The following NIPAL3 variants were observed in gnomAD, a reference collection of about 807,000 sequenced individuals.
NIPAL3 encodes the protein NIPA-like protein 3.
NIPAL3 carries 41 observed loss-of-function variants against 47.2 expected under a neutral mutation model. The observed-to-expected ratio is 0.87, with a 90% confidence interval of 0.68 to 1.13. The LOEUF (loss-of-function observed/expected upper bound fraction) is 1.13. Among genes scored for constraint, NIPAL3 ranks in the 50% most tolerant of loss-of-function variants. The probability of loss-of-function intolerance (pLI) is 0.00; values close to 1 mark genes in which losing one functional copy is unlikely to be tolerated. For synonymous variants in NIPAL3, 194 were observed against 209.6 expected, an observed-to-expected ratio of 0.93 and a Z score of 0.64; for missense variants, 449 against 530.1, an observed-to-expected ratio of 0.85 and a Z score of 1.50.
At chr1:24,445,091 C>T (rs1021583219) in intron 4 of NIPAL3, 94 bp from the exon 5 acceptor site, 21 of 788,066 alleles carry the variant, frequency 2.7e-5, no homozygotes, top group African/African-American at 2.2e-4. Flanking sequence ...TACCAAGCTC[C>T]AATGCAAAGA....
chr1:24,420,698 A>T (rs528003229), intron 2 of NIPAL3, among the ~76,000 whole-genome samples: 1 of 152,254 alleles, frequency 6.6e-6, no homozygotes, highest in African/African-American at 2.4e-5. Flanking sequence ...TCCCCATGTC[A>T]TCAAGTAGTG....
At chr1:24,466,199 C>A in intron 11 of NIPAL3, 2 of 1,064,262 alleles carry the variant, frequency 1.9e-6, no homozygotes, top group South Asian at 1.6e-5. Context: ...TCCTGTGGAA[C>A]AGAAACAATT....
Position 24,452,372 on chromosome 1 carries a change from C to T in NIPAL3, c.541-1036C>T, listed in dbSNP as rs528710947. Among the ~76,000 whole-genome samples the T allele has an allele frequency of 1.8e-4, 28 of 152,292 alleles. No homozygotes were observed. In the South Asian group the frequency reaches 4.8e-3, roughly 26 times the overall value. On this transcript the variant is annotated intron_variant, in intron 6 of 11. Transcript: ENST00000374399. ...TCCAGGTTTAAATTCCTCTGTGCCA[C>T]GCCATCGTGGTAGTACCTGCTTCGT...
intron 5 of NIPAL3, among the ~76,000 whole-genome samples, chr1:24,446,710 G>A (rs1454907504): frequency 5.3e-5 from 8 of 152,162 alleles, no homozygotes; most frequent in Middle Eastern, 3.4e-3. Context: ...CTTTGCTATC[G>A]TGAATGTGCT....
Position 24,472,063 on chromosome 1 carries a change from TTGAGA to T in NIPAL3, c.*2883_*2887del, listed in dbSNP as rs1646925302. 6.6e-6 allele frequency: 1 copy of T among 150,872 alleles called. No homozygotes were observed. Among genetic ancestry groups the T allele is most frequent in the African/African-American group, 2.4e-5 (1 of 41,050 alleles). The allele number at this position is 150,872 out of a possible 1,614,324, so 9.3% of individuals were successfully genotyped here. ...TTTAGGCTTGGGCCAGCCAGCTTTC[TTGAGA>T]TGAGTGAATAAAAGCGTATTGTAAT... On this transcript the variant is annotated 3_prime_UTR_variant, in exon 12 of 12. Transcript: ENST00000374399.
Position 24,456,259 on chromosome 1 carries a change from C to T in NIPAL3, c.759C>T (p.Ala253=), listed in dbSNP as rs143865605. The change falls in exon 8 of 12, where the codon GCC becomes GCT. Residue 253 remains alanine (A), a synonymous_variant. Coordinates refer to ENST00000374399, the MANE Select transcript of NIPAL3 (RefSeq NM_020448.5). ...TGTTCGTGTGCATGGTGGCAACCGC[C>T]GTCTATCAGGCTGCGTGAGTTACAA... The part of the protein sequence containing the change: ...YVMFVCMVAT[A]VYQAAFLSQA... 2.2e-5 allele frequency: 35 copies of T among 1,614,098 alleles called. No homozygotes were observed. Among genetic ancestry groups the T allele is most frequent in the African/African-American group, 1.6e-4 (12 of 74,928 alleles).
rs1304941281 is a variant in NIPAL3 at position 24,471,086 on chromosome 1, A to G, written c.*1901A>G. ...TGCTAAAGGTCGGACCCTGAGCCCA[A>G]AGGGGTATTCAGAAGTGGAGATGAT... On this transcript the variant is annotated 3_prime_UTR_variant, in exon 12 of 12. Transcript: ENST00000374399. 1 of 152,250 alleles carries G rather than the reference A, an allele frequency of 6.6e-6. No individual in the cohort carries two copies. The highest frequency in any genetic ancestry group is 1.5e-5 in the Non-Finnish European group (1 of 68,064). 9.4% of individuals were successfully genotyped at this position (152,250 alleles called of 1,614,324 possible).
At chr1:24,441,656 A>C (rs939350676) in intron 3 of NIPAL3, among the ~76,000 whole-genome samples, 2 of 152,158 alleles carry the variant, frequency 1.3e-5, no homozygotes, top group Non-Finnish European at 2.9e-5. Flanking sequence ...AACTGCAGAG[A>C]GAGGGAGGAG....
chr1:24,426,189 A>G (rs1166723558), intron 2 of NIPAL3, among the ~76,000 whole-genome samples: 2 of 152,094 alleles, frequency 1.3e-5, no homozygotes, highest in Non-Finnish European at 2.9e-5. Context: ...TTCGCCAGTA[A>G]CACTCCATTG....
rs1012103455 is a variant in NIPAL3 at position 24,471,864 on chromosome 1, A to C, written c.*2679A>C. On this transcript the variant is annotated 3_prime_UTR_variant, in exon 12 of 12. Coordinates refer to ENST00000374399, the MANE Select transcript of NIPAL3 (RefSeq NM_020448.5). ...CTATTTATATATTTCTCCTTTCCCA[A>C]ATGATTTTTCTAAAGCTGGGAGTGG... The C allele has an allele frequency of 1.3e-5, 2 of 152,166 alleles. No individual in the cohort carries two copies. 9.4% of individuals were successfully genotyped at this position (152,166 alleles called of 1,614,324 possible). A position where few individuals can be genotyped will look rare whatever the true frequency, so the allele number is the denominator to read the frequency against.
chr1:24,456,483 A>G (rs1047148474), intron 8 of NIPAL3, among the ~76,000 whole-genome samples: 1 of 152,030 alleles, frequency 6.6e-6, no homozygotes, highest in Non-Finnish European at 1.5e-5. Context: ...AGGCTCAGTG[A>G]CCCACGCCTG....
In NIPAL3 at chr1:24,469,602, CCA is replaced by C. The variant is rs1309731755; in HGVS notation, c.*419_*420del. 2 of 170,592 alleles carry C rather than the reference CCA, an allele frequency of 1.2e-5. No homozygotes were observed. The highest frequency in any genetic ancestry group is 4.8e-5 in the African/African-American group (2 of 42,032). The allele number at this position is 170,592 out of a possible 1,614,324, so 10.6% of individuals were successfully genotyped here. A position where few individuals can be genotyped will look rare whatever the true frequency, so the allele number is the denominator to read the frequency against. On this transcript the variant is annotated 3_prime_UTR_variant, in exon 12 of 12. Coordinates refer to ENST00000374399, the MANE Select transcript of NIPAL3 (RefSeq NM_020448.5). ...GGACATCTCTAAATCTCGTCTTCCT[CCA>C]CCTCATGTGCATGCCTGATCTCACC...
At chr1:24,447,596 A>T (rs1017398104) in intron 5 of NIPAL3, among the ~76,000 whole-genome samples, 5 of 152,174 alleles carry the variant, frequency 3.3e-5, no homozygotes, top group Non-Finnish European at 4.4e-5. Context: ...AAAAGTAGAG[A>T]CTTTGGAGCT....
chr1:24,432,159 C>T (rs1002784293), intron 2 of NIPAL3, among the ~76,000 whole-genome samples: 25 of 152,204 alleles, frequency 1.6e-4, no homozygotes, highest in East Asian at 1.2e-3. Context: ...GATGGAGTTT[C>T]GCTCTTGTTG....
chr1:24,436,122 G>C (rs1645092858), intron 2 of NIPAL3, among the ~76,000 whole-genome samples: 1 of 152,030 alleles, frequency 6.6e-6, no homozygotes, highest in South Asian at 2.1e-4. Context: ...TTCCCTTAGG[G>C]GTTAGGACTT....
chr1:24,466,620 T>A (rs1295765716), intron 11 of NIPAL3, among the ~76,000 whole-genome samples: 1 of 152,182 alleles, frequency 6.6e-6, no homozygotes, highest in East Asian at 1.9e-4. Flanking sequence ...CAATAACTCC[T>A]TTCTAACCCC....
intron 2 of NIPAL3, among the ~76,000 whole-genome samples, chr1:24,431,108 G>A (rs1300774508): frequency 1.3e-5 from 2 of 152,130 alleles, no homozygotes; most frequent in South Asian, 4.1e-4. Flanking sequence ...ATTCCAACAA[G>A]GGCCAAACTA....
chr1:24,444,018 C>T (rs199717862), intron 4 of NIPAL3, among the ~76,000 whole-genome samples: 2 of 148,082 alleles, frequency 1.4e-5, no homozygotes, highest in East Asian at 3.9e-4. Flanking sequence ...TAACCAAATT[C>T]TTTTTTTTTT....
chr1:24,429,264 TAGCTG>T lies in NIPAL3; in HGVS notation c.93+9625_93+9629del, dbSNP rs1182991872. Among the ~76,000 whole-genome samples, 6 of 152,090 alleles carry T rather than the reference TAGCTG, an allele frequency of 3.9e-5. No homozygotes were observed. In the South Asian group the frequency reaches 8.3e-4, roughly 21 times the overall value. ...GTCTCTACTAAAAATGCAAAAAAAT[TAGCTG>T]GGCATGGTGGCACATGCCTGTAGTC... is the stretch of plus-strand genomic sequence containing the variant. On this transcript the variant is annotated intron_variant, in intron 2 of 11. Transcript: ENST00000374399.
Sources: gnomAD v4.1 joint callset for allele counts (sites outside exome capture counted in the v4.1 genomes callset) on GRCh38, gnomAD v4.1.1 for gene constraint, MANE v1.5 for transcripts, NCBI Gene and HGNC (gene_info 2026-07-23, HGNC 2026-07-21) for gene names.